Variants in BTBD9 observed in about 807,000 individuals in gnomAD.
BTBD9 encodes the protein BTB/POZ domain-containing protein 9.
In BTBD9, 49 loss-of-function variants were observed where a neutral mutation model predicts 64.3. That is an observed-to-expected ratio of 0.76 (90% CI 0.61 to 0.97). BTBD9 has a LOEUF of 0.97. BTBD9 is among the 50% of genes least tolerant of loss of function. BTBD9 has a pLI of 0.00. For missense variants in BTBD9, 598 were observed against 762.1 expected (o/e 0.78, Z 2.53); for synonymous variants, 260 against 274.7 (o/e 0.95, Z 0.53).
At chr6:38,214,678 C>G (rs1261901865) in intron 9 of BTBD9, among the ~76,000 whole-genome samples, 4 of 152,176 alleles carry the variant, frequency 2.6e-5, no homozygotes, top group Non-Finnish European at 4.4e-5. Context: ...ATTCCCAACC[C>G]ATATTTTGCC....
chr6:38,296,540 A>C (rs896566699), intron 7 of BTBD9, among the ~76,000 whole-genome samples: 1 of 152,018 alleles, frequency 6.6e-6, no homozygotes, highest in South Asian at 2.1e-4. Flanking sequence ...TTAACTCACT[A>C]ATCTTTTTCT....
chr6:38,356,465 A>G (rs1764732625), intron 6 of BTBD9, among the ~76,000 whole-genome samples: 1 of 152,056 alleles, frequency 6.6e-6, no homozygotes, highest in Non-Finnish European at 1.5e-5. Context: ...ATGCCTCCTG[A>G]GTTTTCCATT....
chr6:38,398,749 C>T (rs1766800498), intron 6 of BTBD9, among the ~76,000 whole-genome samples: 1 of 152,158 alleles, frequency 6.6e-6, no homozygotes, highest in Admixed American at 6.6e-5. Flanking sequence ...TTTATTTCAA[C>T]TTTACTTCAT....
At chr6:38,394,365 G>C (rs1271199861) in intron 6 of BTBD9, among the ~76,000 whole-genome samples, 1 of 152,120 alleles carries the variant, frequency 6.6e-6, no homozygotes. Flanking sequence ...ATCTGGATTG[G>C]AACTTGAGGG....
chr6:38,582,590 A>G (rs1776341314), intron 4 of BTBD9, among the ~76,000 whole-genome samples: 1 of 152,182 alleles, frequency 6.6e-6, no homozygotes, highest in Non-Finnish European at 1.5e-5. Context: ...ATGAATGGCC[A>G]TACCTTCTCC....
At chr6:38,541,780 C>A (rs1378364887) in intron 6 of BTBD9, among the ~76,000 whole-genome samples, 2 of 152,138 alleles carry the variant, frequency 1.3e-5, no homozygotes, top group African/African-American at 2.4e-5. Flanking sequence ...GGGATTGACC[C>A]ACATTGAAAT....
intron 6 of BTBD9, among the ~76,000 whole-genome samples, chr6:38,567,106 C>T (rs1775558491): frequency 6.6e-6 from 1 of 152,154 alleles, no homozygotes; most frequent in African/African-American, 2.4e-5. Flanking sequence ...CTTAGGCAGG[C>T]GATAACACTA....
intron 6 of BTBD9, among the ~76,000 whole-genome samples, chr6:38,496,159 C>T (rs576331911): frequency 1.8e-4 from 27 of 152,220 alleles, no homozygotes; most frequent in Non-Finnish European, 3.8e-4. Flanking sequence ...GGCAAGCAAG[C>T]CAGCCCCACT....
chr6:38,449,166 T>G (rs1769409463), intron 6 of BTBD9, among the ~76,000 whole-genome samples: 1 of 152,098 alleles, frequency 6.6e-6, no homozygotes. Context: ...CTGGTTACTG[T>G]TTTTCAAGGG....
Position 38,288,432 on chromosome 6 carries a change from C to G in BTBD9, c.1294G>C (p.Asp432His). The change falls in exon 8 of 11, where the codon GAT becomes CAT. Residue 432 changes from aspartate (D) to histidine (H), a missense_variant. By Grantham distance (81) the Asp-to-His change is moderately conservative (BLOSUM62 -1). Coordinates refer to ENST00000481247, the MANE Select transcript of BTBD9 (RefSeq NM_001099272.2). ...ACTCCTTCAATCACACTGGCACAAT[C>G]AGCAATTGTTGCAACATTCTCCATG... is the stretch of plus-strand genomic sequence containing the variant. The part of the protein sequence containing the change: ...VPMENVATIA[D>H]CASVIEGVSR... 6.2e-7 allele frequency: 1 copy of G among 1,613,988 alleles called. No individual in the cohort carries two copies. Among genetic ancestry groups the G allele is most frequent in the Non-Finnish European group, 8.5e-7 (1 of 1,179,926 alleles).
At chr6:38,204,591 T>C (rs1244739494) in intron 9 of BTBD9, among the ~76,000 whole-genome samples, 2 of 152,198 alleles carry the variant, frequency 1.3e-5, no homozygotes, top group Non-Finnish European at 2.9e-5. Flanking sequence ...ATGTGGTTTC[T>C]TTCTGGAGTA....
At chr6:38,312,025 C>A (rs1018802490) in intron 7 of BTBD9, among the ~76,000 whole-genome samples, 1 of 152,026 alleles carries the variant, frequency 6.6e-6, no homozygotes, top group Admixed American at 6.6e-5. Context: ...CCATGCCCAG[C>A]TAATTTTTTA....
chr6:38,209,613 G>T (rs1344466605), intron 9 of BTBD9, among the ~76,000 whole-genome samples: 5 of 152,164 alleles, frequency 3.3e-5, no homozygotes, highest in Non-Finnish European at 7.4e-5. Flanking sequence ...AAACCTCTGG[G>T]GGGGTGGGCC....
chr6:38,548,084 T>C (rs2127444659), intron 6 of BTBD9, among the ~76,000 whole-genome samples: 1 of 152,384 alleles, frequency 6.6e-6, no homozygotes, highest in South Asian at 2.1e-4. Flanking sequence ...TATTATACCC[T>C]TATTTTTTAT....
rs1344860875 is a variant in BTBD9 at position 38,486,756 on chromosome 6, T to C, written c.1154+90844A>G. 2.0e-5 allele frequency among the ~76,000 whole-genome samples: 3 copies of C among 152,202 alleles called. 1 individual carries two copies. The highest frequency in any genetic ancestry group is 4.4e-5 in the Non-Finnish European group (3 of 68,028). ...TTGTGAGAATTACCAAAATGTGACATAGGCACACAAGTAAGCACATGCTGC... is the reference window on the plus strand; with the variant it reads ...TTGTGAGAATTACCAAAATGTGACACAGGCACACAAGTAAGCACATGCTGC... On this transcript the variant is annotated intron_variant, in intron 6 of 10. Transcript: ENST00000481247.
intron 6 of BTBD9, among the ~76,000 whole-genome samples, chr6:38,458,139 A>G (rs113636716): frequency 6.6e-6 from 1 of 152,178 alleles, no homozygotes; most frequent in African/African-American, 2.4e-5. Context: ...TGTTTCCTAT[A>G]ACACGATTGG....
intron 10 of BTBD9, among the ~76,000 whole-genome samples, chr6:38,185,758 T>C (rs1449888144): frequency 6.6e-6 from 1 of 152,234 alleles, no homozygotes; most frequent in African/African-American, 2.4e-5. Flanking sequence ...CACTTGTGTA[T>C]GCATGAATGT....
chr6:38,639,203 C>T (rs1460305014), intron 1 of BTBD9, among the ~76,000 whole-genome samples: 1 of 152,174 alleles, frequency 6.6e-6, no homozygotes, highest in Non-Finnish European at 1.5e-5. Flanking sequence ...TACTAAAACG[C>T]CAAGGAAACA....
In BTBD9 at chr6:38,170,602, G is replaced by A. The variant is rs742539; in HGVS notation, c.*4383C>T. On this transcript the variant is annotated 3_prime_UTR_variant, in exon 11 of 11. Coordinates refer to ENST00000481247, the MANE Select transcript of BTBD9 (RefSeq NM_001099272.2). ...GGATCCGTGTCAGCGAGAGAGATGG[G>A]GGCATTCCAGTTGTCCTGCATGCCA... 81,308 of 152,106 alleles carry A rather than the reference G, an allele frequency of 0.53. 23,306 individuals carry two copies. The highest frequency in any genetic ancestry group is 0.66 in the Non-Finnish European group (44,650 of 67,994). The allele number at this position is 152,106 out of a possible 1,614,324, so 9.4% of individuals were successfully genotyped here. A position where few individuals can be genotyped will look rare whatever the true frequency, so the allele number is the denominator to read the frequency against.
Sources: allele counts gnomAD v4.1 joint callset (sites outside exome capture counted in the v4.1 genomes callset), GRCh38; gene constraint gnomAD v4.1.1; transcripts MANE v1.5; gene names NCBI Gene and HGNC (gene_info 2026-07-23, HGNC 2026-07-21).